The following NUP210 variants were observed in gnomAD, a reference collection of about 807,000 sequenced individuals.
The protein encoded by NUP210 is nucleoporin 210, also known as nuclear pore membrane glycoprotein 210.
A neutral mutation model predicts 196.0 loss-of-function variants in NUP210; 151 were observed. The ratio of observed to expected loss-of-function variants is 0.77; its 90% CI spans 0.67 to 0.88. The LOEUF is 0.88. NUP210 is among the 40% of genes least tolerant of loss of function. The probability of loss-of-function intolerance (pLI) is 0.00; values close to 1 mark genes in which losing one functional copy is unlikely to be tolerated. For synonymous variants in NUP210, 1,070 were observed against 1,052.7 expected (o/e 1.02, Z -0.32); for missense variants, 2,314 against 2,493.7 (o/e 0.93, Z 1.53).
chr3:13,322,147 A>C, intron 35 of NUP210, 46 bp downstream of exon 35: 1 of 1,608,288 alleles, frequency 6.2e-7, no homozygotes. Flanking sequence ...CCCAGAAGAC[A>C]GAGACTGTCT....
chr3:13,343,263 T>C lies in NUP210; in HGVS notation c.2876A>G (p.His959Arg). The change falls in exon 21 of 40, where the codon CAT becomes CGT. Residue 959 changes from histidine to arginine, a missense_variant. Transcript: ENST00000254508. ...LLPGSSTIMI[H>R]DLCLVFPAPA... is the part of the protein sequence containing the mutation. ...GGCCGGGAAGACGAGGCACAAGTCA[T>C]GGATCATGATGGTGGATGAGCCCGG... 1.3e-6 allele frequency: 2 copies of C among 1,593,540 alleles called. No homozygotes were observed. The highest frequency in any genetic ancestry group is 1.7e-6 in the Non-Finnish European group (2 of 1,173,238).
intron 21 of NUP210, 143 bp downstream of exon 21, chr3:13,343,032 G>A (rs114442690): frequency 0.041 from 39,667 of 964,672 alleles, 1,042 homozygotes; most frequent in Middle Eastern, 0.052. Flanking sequence ...GGAGATGGGA[G>A]ACAGCTCCGC....
Position 13,340,199 on chromosome 3 carries a change from C to CT in NUP210, c.3291+36dup, listed in dbSNP as rs753568463. 2.5e-6 allele frequency: 4 copies of CT among 1,612,606 alleles called. No homozygotes were observed. The highest frequency in any genetic ancestry group is 3.4e-6 in the Non-Finnish European group (4 of 1,179,470). On this transcript the variant is annotated intron_variant, in intron 24 of 39. Transcript: ENST00000254508. This position sits in a 1 kb window ranked among gnomAD's most constrained non-coding sequence, Gnocchi z 4.0. The stretch of plus-strand genomic sequence containing the variant: ...GCCTGGAACCAGGTGGTGGCCTGCA[C>CT]TGGGGCTGGAGCAGGACGTGGCCTC...
chr3:13,414,680 C>A (rs1700288220), intron 1 of NUP210, among the ~76,000 whole-genome samples: 1 of 152,168 alleles, frequency 6.6e-6, no homozygotes, highest in Admixed American at 6.6e-5. Context: ...CGGCCCTTTG[C>A]ACTTGCTGTC....
At chr3:13,335,748 C>G in intron 27 of NUP210, 136 bp from the exon 28 acceptor site, 1 of 986,804 alleles carries the variant, frequency 1.0e-6, no homozygotes. Context: ...AAGGGCTCTG[C>G]CTTCCTGCCT....
intron 14 of NUP210, among the ~76,000 whole-genome samples, chr3:13,362,704 G>A (rs939865200): frequency 7.2e-5 from 11 of 152,154 alleles, no homozygotes; most frequent in African/African-American, 2.4e-4. Flanking sequence ...AGGAGCCCGC[G>A]GTGCCCCTGC....
At chr3:13,400,858 A>C (rs953478183) in intron 1 of NUP210, among the ~76,000 whole-genome samples, 4 of 152,082 alleles carry the variant, frequency 2.6e-5, no homozygotes, top group Admixed American at 2.6e-4. Flanking sequence ...CAGAGCAGAC[A>C]CTCCGGGGTC....
chr3:13,319,142 G>C lies in NUP210; in HGVS notation c.5493C>G (p.Val1831=), dbSNP rs749448737. The C allele has an allele frequency of 8.7e-6, 14 of 1,610,474 alleles. No individual in the cohort carries two copies. The highest frequency in any genetic ancestry group is 1.2e-5 in the Non-Finnish European group (14 of 1,178,366). The change falls in exon 39 of 40, where the codon GTC becomes GTG. Residue 1831 remains valine (V), a synonymous_variant. Coordinates refer to ENST00000254508, the MANE Select transcript of NUP210 (RefSeq NM_024923.4). ...TAVMIIAYHT[V]CTPRDLAVPA... is the part of the protein sequence containing the mutation. ...GCACAGCAAGATCCCGGGGCGTGCA[G>C]ACAGTGTGGTAGGCTGCAAGAGCAC...
chr3:13,397,586 C>T (rs1014844757), intron 2 of NUP210, 98 bp from the exon 3 acceptor site: 2 of 1,321,280 alleles, frequency 1.5e-6, no homozygotes, highest in Non-Finnish European at 2.0e-6. Flanking sequence ...AAGACCACGG[C>T]AACCACCAGC....
Position 13,377,540 on chromosome 3 carries a change from G to A in NUP210, c.1068C>T (p.Asp356=). The A allele has an allele frequency of 1.2e-6, 2 of 1,613,790 alleles. No homozygotes were observed. The highest frequency in any genetic ancestry group is 1.1e-5 in the South Asian group (1 of 91,062). Residue 356 remains aspartate, a synonymous_variant, in exon 9 of 40, where the codon GAC becomes GAT. Transcript: ENST00000254508. The part of the protein sequence containing the change: ...GYLGFTVHPG[D]RWVLETGRLY... ...GGCGGCCGGTCTCCAGCACCCACCT[G>A]TCACCAGGGTGAACAGTGAACCCTA...
chr3:13,334,654 T>C (rs1697135481), intron 28 of NUP210, among the ~76,000 whole-genome samples: 1 of 152,206 alleles, frequency 6.6e-6, no homozygotes, highest in Non-Finnish European at 1.5e-5. Flanking sequence ...CAGGGGTTAC[T>C]GAGGCCCAGA....
Position 13,317,608 on chromosome 3 carries a change from G to T in NUP210, c.*73C>A. On this transcript the variant is annotated 3_prime_UTR_variant, in exon 40 of 40. Coordinates refer to ENST00000254508, the MANE Select transcript of NUP210 (RefSeq NM_024923.4). The stretch of plus-strand genomic sequence containing the variant: ...TGGAGGGGCTTGTTCCAGTGTGAAT[G>T]CAGCAGGGATGTTCCATCTTGGGGG... 2 of 1,113,678 alleles carry T rather than the reference G, an allele frequency of 1.8e-6. No individual in the cohort carries two copies. The highest frequency in any genetic ancestry group is 1.3e-5 in the South Asian group (1 of 75,338). 69.0% of individuals were successfully genotyped at this position (1,113,678 alleles called of 1,614,324 possible). A position where few individuals can be genotyped will look rare whatever the true frequency, so the allele number is the denominator to read the frequency against.
chr3:13,342,474 T>C (rs570698973), intron 21 of NUP210, among the ~76,000 whole-genome samples: 3 of 152,206 alleles, frequency 2.0e-5, no homozygotes, highest in African/African-American at 7.2e-5. Flanking sequence ...GTAAGAACTT[T>C]AGGAAATAAG....
chr3:13,377,412 G>A (rs764733602), intron 9 of NUP210, 44 bp downstream of exon 9: 45 of 1,419,768 alleles, frequency 3.2e-5, no homozygotes, highest in Middle Eastern at 1.9e-4. Flanking sequence ...GTCAGACAAC[G>A]ACCCCACCTC....
At chr3:13,355,779 G>C (rs1362309830) in intron 16 of NUP210, among the ~76,000 whole-genome samples, 1 of 152,204 alleles carries the variant, frequency 6.6e-6, no homozygotes, top group Non-Finnish European at 1.5e-5. Flanking sequence ...GGCAGGGGCT[G>C]TAGGGACCTA....
chr3:13,382,279 C>T (rs1373315936), intron 6 of NUP210, among the ~76,000 whole-genome samples: 3 of 152,198 alleles, frequency 2.0e-5, no homozygotes, highest in Admixed American at 1.3e-4. Flanking sequence ...GCACTAAGGA[C>T]TGGAGATGGA....
At chr3:13,393,614 G>A (rs371789284) in intron 3 of NUP210, among the ~76,000 whole-genome samples, 26 of 152,230 alleles carry the variant, frequency 1.7e-4, no homozygotes, top group African/African-American at 5.8e-4. Context: ...TGGCAACATG[G>A]CCAGACCCAG....
intron 1 of NUP210, among the ~76,000 whole-genome samples, chr3:13,407,059 C>A (rs945932592): frequency 6.6e-6 from 1 of 152,182 alleles, no homozygotes; most frequent in African/African-American, 2.4e-5. Context: ...AATGAGCTAA[C>A]CTCCCTGGGC....
intron 2 of NUP210, among the ~76,000 whole-genome samples, chr3:13,398,525 A>G (rs1002562407): frequency 1.3e-5 from 2 of 152,244 alleles, no homozygotes; most frequent in African/African-American, 4.8e-5. Flanking sequence ...TTTGTTCTCT[A>G]TATAAAAACA....
Sources: allele counts gnomAD v4.1 joint callset (sites outside exome capture counted in the v4.1 genomes callset), GRCh38; gene constraint gnomAD v4.1.1; non-coding constraint Gnocchi (gnomAD v3.1); transcripts MANE v1.5; gene names NCBI Gene and HGNC (gene_info 2026-07-23, HGNC 2026-07-21).